Variants in RBM11 observed in about 807,000 individuals in gnomAD.
RBM11 encodes splicing regulator RBM11.
Under a neutral mutation model 21.4 loss-of-function variants are expected in RBM11, and 18 were observed. That is an observed-to-expected ratio of 0.84 (90% confidence interval 0.58 to 1.25). The LOEUF (loss-of-function observed/expected upper bound fraction) is 1.25, where lower values mean the gene tolerates loss of function less well. RBM11 is among the 50% of genes most tolerant of loss of function. The probability of loss-of-function intolerance (pLI) is 0.00; values close to 1 mark genes in which losing one functional copy is unlikely to be tolerated. For missense variants in RBM11, 294 were observed against 331.9 expected (o/e 0.89, Z 0.89); for synonymous variants, 120 against 116.3 (o/e 1.03, Z -0.20).
rs1169129399 is a variant in RBM11 at position 14,228,247 on chromosome 21, C to T, written c.*954C>T. On this transcript the variant is annotated 3_prime_UTR_variant, in exon 5 of 5. Coordinates refer to ENST00000400577, the MANE Select transcript of RBM11 (RefSeq NM_144770.5). ...ACTAAAGCTAATTGAAAGAGTCATG[C>T]AACTCAGTTGGGAATTAACCACTCA... 6.6e-6 allele frequency: 1 copy of T among 151,986 alleles called. No homozygotes were observed. The highest frequency in any genetic ancestry group is 1.5e-5 in the Non-Finnish European group (1 of 67,990). 9.4% of individuals were successfully genotyped at this position (151,986 alleles called of 1,614,324 possible). A position where few individuals can be genotyped will look rare whatever the true frequency, so the allele number is the denominator to read the frequency against.
intron 2 of RBM11, 95 bp downstream of exon 2, chr21:14,219,820 A>C: frequency 9.1e-7 from 1 of 1,097,650 alleles, no homozygotes; most frequent in Non-Finnish European, 1.2e-6. Context: ...TATAAGACCA[A>C]AACAAAAAAA....
chr21:14,225,859 T>C (rs1389794354), intron 4 of RBM11, among the ~76,000 whole-genome samples: 4 of 152,104 alleles, frequency 2.6e-5, no homozygotes. Context: ...TGTTTGTTTT[T>C]AAAGGAAGCA....
Position 14,227,505 on chromosome 21 carries a change from G to C in RBM11, c.*212G>C, listed in dbSNP as rs1979209301. The C allele has an allele frequency of 7.4e-6, 4 of 540,828 alleles. No homozygotes were observed. In the South Asian group the frequency reaches 1.2e-4, roughly 16 times the overall value. The allele number at this position is 540,828 out of a possible 1,614,324, so 33.5% of individuals were successfully genotyped here. A position where few individuals can be genotyped will look rare whatever the true frequency, so the allele number is the denominator to read the frequency against. ...ATGTACCACTTTTTGTATTTGTCATGATATTTTTGACCCATTGGCAACAAA... is the reference window on the plus strand; with the variant it reads ...ATGTACCACTTTTTGTATTTGTCATCATATTTTTGACCCATTGGCAACAAA... On this transcript the variant is annotated 3_prime_UTR_variant, in exon 5 of 5. Transcript: ENST00000400577.
rs1979245931 is a variant in RBM11, at chr21:14,227,871, A to G, written c.*578A>G. On this transcript the variant is annotated 3_prime_UTR_variant, in exon 5 of 5. Coordinates refer to ENST00000400577, the MANE Select transcript of RBM11 (RefSeq NM_144770.5). ...ATATGATAATGATACCAAAGGAAAGATAATTATCATGAAACCAACTTTTGG... is the reference window on the plus strand; with the variant it reads ...ATATGATAATGATACCAAAGGAAAGGTAATTATCATGAAACCAACTTTTGG... 1 of 152,386 alleles carries G rather than the reference A, an allele frequency of 6.6e-6. No individual in the cohort carries two copies. Among genetic ancestry groups the G allele is most frequent in the East Asian group, 1.9e-4 (1 of 5,200 alleles). The allele number at this position is 152,386 out of a possible 1,614,324, so 9.4% of individuals were successfully genotyped here.
intron 3 of RBM11, among the ~76,000 whole-genome samples, chr21:14,222,958 C>A (rs1978797412): frequency 6.6e-6 from 1 of 152,196 alleles, no homozygotes; most frequent in African/African-American, 2.4e-5. Context: ...AATGTAAGAA[C>A]TCCTTTTTTC....
rs777845222 is a variant in RBM11 at position 14,216,158 on chromosome 21, C to T, written c.-29C>T. The T allele has an allele frequency of 4.4e-6, 7 of 1,590,352 alleles. No individual in the cohort carries two copies. The highest frequency in any genetic ancestry group is 6.0e-6 in the Non-Finnish European group (7 of 1,162,016). ...CGGAGAAGGGGCGGGGTCTCAGCTC[C>T]TACTTCATTCTACGGCCGAGACCGG... On this transcript the variant is annotated 5_prime_UTR_variant, in exon 1 of 5. Transcript: ENST00000400577.
At position 14,227,377 on chromosome 21, in the gene RBM11, G is replaced by A; in HGVS notation, c.*84G>A. ...GATGTTATCCCATCAAATAAACAAT[G>A]TCATGGCTATCTTGTCTTTTGAAAT... is the stretch of plus-strand genomic sequence containing the variant. On this transcript the variant is annotated 3_prime_UTR_variant, in exon 5 of 5. Coordinates refer to ENST00000400577, the MANE Select transcript of RBM11 (RefSeq NM_144770.5). 7.5e-7 allele frequency: 1 copy of A among 1,341,776 alleles called. No homozygotes were observed. The allele number at this position is 1,341,776 out of a possible 1,614,324, so 83.1% of individuals were successfully genotyped here. A position where few individuals can be genotyped will look rare whatever the true frequency, so the allele number is the denominator to read the frequency against.
intron 1 of RBM11, among the ~76,000 whole-genome samples, 190 bp downstream of exon 1, chr21:14,216,472 C>T (rs1253476798): frequency 6.6e-6 from 1 of 152,130 alleles, no homozygotes; most frequent in Admixed American, 6.5e-5. Context: ...GTTCCCCATC[C>T]CCATCCGCGC....
rs370738969 is a variant in RBM11 at position 14,223,905 on chromosome 21, T to A, written c.333-533T>A. On this transcript the variant is annotated intron_variant, in intron 3 of 4. Coordinates refer to ENST00000400577, the MANE Select transcript of RBM11 (RefSeq NM_144770.5). ...GCCTGTGATGACTTCTGCCATGTTA[T>A]AACATAGTAGAGCTCACCAGAAGCT... 5.9e-5 allele frequency among the ~76,000 whole-genome samples: 9 copies of A among 152,270 alleles called. No homozygotes were observed. In the South Asian group the frequency reaches 1.7e-3, roughly 28 times the overall value.
At chr21:14,225,653 C>T (rs997507602) in intron 4 of RBM11, among the ~76,000 whole-genome samples, 8 of 129,814 alleles carry the variant, frequency 6.2e-5, no homozygotes, top group African/African-American at 2.1e-4. Flanking sequence ...TACTTTTTAA[C>T]TTTTGCTAAA....
intron 2 of RBM11, among the ~76,000 whole-genome samples, chr21:14,220,074 A>C (rs1978529942): frequency 6.6e-6 from 1 of 152,140 alleles, no homozygotes; most frequent in Admixed American, 6.6e-5. Context: ...GGTATTTACT[A>C]ATCTTGTTAC....
chr21:14,221,002 A>G (rs1169323151), intron 2 of RBM11, 95 bp from the exon 3 acceptor site: 8 of 1,259,192 alleles, frequency 6.4e-6, no homozygotes, highest in East Asian at 2.6e-5. Context: ...AATCACTACT[A>G]CGTCCTAAAA....
At chr21:14,226,019 T>C (rs1979057112) in intron 4 of RBM11, among the ~76,000 whole-genome samples, 1 of 152,054 alleles carries the variant, frequency 6.6e-6, no homozygotes, top group Non-Finnish European at 1.5e-5. Context: ...TCAGAAAACT[T>C]TTAAGTATAT....
At position 14,216,185 on chromosome 21, in the gene RBM11, G is replaced by T; in HGVS notation, c.-2G>T. ...ACTTCATTCTACGGCCGAGACCGGA[G>T]GATGTTCCCTGCTCAGGAGGAGGCC... is the stretch of plus-strand genomic sequence containing the variant. On this transcript the variant is annotated 5_prime_UTR_variant, in exon 1 of 5. In the 5' UTR this introduces an upstream ATG that the reference lacks. Coordinates refer to ENST00000400577, the MANE Select transcript of RBM11 (RefSeq NM_144770.5). 1.9e-6 allele frequency: 3 copies of T among 1,612,810 alleles called. No homozygotes were observed. Among genetic ancestry groups the T allele is most frequent in the Non-Finnish European group, 2.5e-6 (3 of 1,179,284 alleles).
At chr21:14,216,374 C>A in intron 1 of RBM11, 92 bp downstream of exon 1, 1 of 1,016,358 alleles carries the variant, frequency 9.8e-7, no homozygotes, top group African/African-American at 1.6e-5. Flanking sequence ...CGGCCCCCTT[C>A]CGTCCCATCC....
chr21:14,222,557 A>G (rs1978763781), intron 3 of RBM11, among the ~76,000 whole-genome samples: 1 of 152,188 alleles, frequency 6.6e-6, no homozygotes, highest in South Asian at 2.1e-4. Context: ...TGCACCCCAG[A>G]TAAAACAGTG....
At chr21:14,219,509 A>G in intron 1 of RBM11, 54 bp from the exon 2 acceptor site, 1 of 1,307,662 alleles carries the variant, frequency 7.6e-7, no homozygotes, top group South Asian at 1.8e-5. Context: ...TACTTATTTG[A>G]GTATAAAAAA....
At chr21:14,220,712 A>G (rs1320729912) in intron 2 of RBM11, among the ~76,000 whole-genome samples, 2 of 152,152 alleles carry the variant, frequency 1.3e-5, no homozygotes, top group African/African-American at 4.8e-5. Context: ...CACATCATGT[A>G]TAAGATTGAA....
chr21:14,226,784 T>G, intron 4 of RBM11, 96 bp from the exon 5 acceptor site: 1 of 1,487,480 alleles, frequency 6.7e-7, no homozygotes, highest in South Asian at 1.4e-5. Context: ...CACAGTTTAG[T>G]TTACTCATGG....
Sources: allele counts gnomAD v4.1 joint callset (sites outside exome capture counted in the v4.1 genomes callset), GRCh38; gene constraint gnomAD v4.1.1; transcripts MANE v1.5; gene names NCBI Gene and HGNC (gene_info 2026-07-23, HGNC 2026-07-21).